The following ANK1 variants were observed in gnomAD, a reference collection of about 807,000 sequenced individuals.
The protein encoded by ANK1 is ankyrin-1.
ANK1 carries 51 observed loss-of-function variants against 210.4 expected under a neutral mutation model. The observed-to-expected ratio is 0.24, with a 90% CI of 0.19 to 0.31. ANK1 has a LOEUF of 0.31. ANK1 is among the 10% of genes least tolerant of loss of function. The pLI, the probability that ANK1 is intolerant of heterozygous loss-of-function variation, is 1.00. For synonymous variants in ANK1, 967 were observed against 1,025.9 expected (o/e 0.94, Z 1.10); for missense variants, 2,051 against 2,504.4 (o/e 0.82, Z 3.86).
chr8:41,677,252 T>C (rs1814456522), intron 37 of ANK1, among the ~76,000 whole-genome samples: 1 of 152,186 alleles, frequency 6.6e-6, no homozygotes, highest in African/African-American at 2.4e-5. Flanking sequence ...TCATAATCAG[T>C]CTGGCTAGAG....
At chr8:41,745,434 C>T (rs1379275211) in intron 2 of ANK1, among the ~76,000 whole-genome samples, 4 of 152,204 alleles carry the variant, frequency 2.6e-5, no homozygotes, top group South Asian at 2.1e-4. Context: ...TGTAGAAGAA[C>T]GGGCGTAGAT....
chr8:41,672,546 A>G lies in ANK1; in HGVS notation c.4904T>C (p.Ile1635Thr), dbSNP rs1021085353. Residue 1635 changes from isoleucine to threonine, a missense_variant, in exon 38 of 43, where the codon ATC becomes ACC. Coordinates refer to ENST00000289734, the MANE Select transcript of ANK1 (RefSeq NM_000037.4). ...ACCTTCCTCCTGTTCAAGCAAATCG[A>G]TAAGGCCATTTGTGGCATCTGAATC... Reference protein sequence around the residue: ...TVDSDATNGLIDLLEQEEGQR... With the variant: ...TVDSDATNGLTDLLEQEEGQR... 5 of 1,614,060 alleles carry G rather than the reference A, an allele frequency of 3.1e-6. No homozygotes were observed. In the African/African-American group the frequency reaches 5.3e-5, roughly 17 times the overall value.
At chr8:41,684,465 T>A (rs770618612) in intron 37 of ANK1, 79 bp downstream of exon 37, 25 of 1,586,718 alleles carry the variant, frequency 1.6e-5, no homozygotes, top group Non-Finnish European at 2.1e-5. Context: ...GATGACGTAT[T>A]GTGGGAAGGG....
intron 20 of ANK1, among the ~76,000 whole-genome samples, chr8:41,703,442 A>ATTTTTTTT (rs1823510434): frequency 1.5e-5 from 1 of 66,614 alleles, no homozygotes; most frequent in African/African-American, 6.4e-5. Flanking sequence ...ATATATATAT[A>ATTTTTTTT]TATATATATT....
At chr8:41,750,972 C>A (rs1837566898) in intron 2 of ANK1, among the ~76,000 whole-genome samples, 1 of 152,144 alleles carries the variant, frequency 6.6e-6, no homozygotes, top group Non-Finnish European at 1.5e-5. Flanking sequence ...AAGAGTGAGG[C>A]TTTTTGCCCC....
chr8:41,770,045 G>T (rs971080084), intron 1 of ANK1, among the ~76,000 whole-genome samples: 2 of 121,356 alleles, frequency 1.6e-5, no homozygotes, highest in African/African-American at 3.2e-5. Flanking sequence ...GCAATGGCAT[G>T]ATCTTGGCTC....
chr8:41,859,557 G>A (rs957941947), intron 1 of ANK1, among the ~76,000 whole-genome samples: 3 of 152,200 alleles, frequency 2.0e-5, no homozygotes, highest in Non-Finnish European at 2.9e-5. Flanking sequence ...ATGTTGGCCA[G>A]GCTGGTCTCG....
intron 1 of ANK1, among the ~76,000 whole-genome samples, chr8:41,771,356 A>G (rs1359247225): frequency 6.6e-6 from 1 of 152,072 alleles, no homozygotes; most frequent in Non-Finnish European, 1.5e-5. Flanking sequence ...AAGCTAAACT[A>G]TTGTTCTTTT....
intron 1 of ANK1, chr8:41,829,958 A>AAAAAAAC (rs1563862696): frequency 1.3e-5 from 2 of 149,284 alleles, no homozygotes; most frequent in African/African-American, 5.0e-5. Context: ...AAAAAAAAAA[A>AAAAAAAC]TCTGACGTGA....
At chr8:41,763,889 CTTTT>C (rs869100297) in intron 1 of ANK1, among the ~76,000 whole-genome samples, 58 of 57,820 alleles carry the variant, frequency 1.0e-3, no homozygotes, top group Admixed American at 1.4e-3. Context: ...TTCTTTTTTT[CTTTT>C]TTTTTTTTTT....
chr8:41,893,434 C>T (rs1037823437), intron 1 of ANK1, among the ~76,000 whole-genome samples: 1 of 152,152 alleles, frequency 6.6e-6, no homozygotes, highest in South Asian at 2.1e-4. Flanking sequence ...TTCCCTGCGT[C>T]GAGGTGGCTT....
intron 1 of ANK1, among the ~76,000 whole-genome samples, chr8:41,822,047 C>A: frequency 7.2e-6 from 1 of 139,294 alleles, no homozygotes; most frequent in Non-Finnish European, 1.5e-5. Context: ...GAGACTCCAT[C>A]TCAAAAGAAA....
chr8:41,887,042 C>G (rs924197095), intron 1 of ANK1, among the ~76,000 whole-genome samples: 1 of 152,054 alleles, frequency 6.6e-6, no homozygotes, highest in Non-Finnish European at 1.5e-5. Flanking sequence ...CTACTTGGCT[C>G]TAGTCCACAG....
chr8:41,792,673 TGAG>T (rs1206141851), intron 1 of ANK1, among the ~76,000 whole-genome samples: 1 of 151,762 alleles, frequency 6.6e-6, no homozygotes, highest in Non-Finnish European at 1.5e-5. Flanking sequence ...GTGTGGAAAA[TGAG>T]GAGGGCCCTG....
intron 23 of ANK1, 113 bp from the exon 24 acceptor site, chr8:41,698,234 C>G: frequency 9.6e-7 from 1 of 1,043,816 alleles, no homozygotes; most frequent in Non-Finnish European, 1.5e-6. Context: ...AGCCTGACTG[C>G]GCTTCACAAC....
In ANK1 at chr8:41,717,682, G is replaced by A. The variant is rs572292527; in HGVS notation, c.1227C>T (p.His409=). 28 of 1,551,690 alleles carry A rather than the reference G, an allele frequency of 1.8e-5. No homozygotes were observed. The African/African-American group carries it at 1.9e-4, about 11-fold the overall frequency. The change falls in exon 12 of 43, where the codon CAC becomes CAT. Residue 409 remains histidine, a synonymous_variant. Transcript: ENST00000289734. ...GAAGGTGCCCCATGAAGGAGGCCAC[G>A]TGGAGAGGTGTCAGGCCAGACTGAA... is the stretch of plus-strand genomic sequence containing the variant. ...AVTESGLTPL[H]VASFMGHLPI...
At position 41,711,668 on chromosome 8, in the gene ANK1, C is replaced by T. The variant is rs183084326; in HGVS notation, c.1800+2488G>A. On this transcript the variant is annotated intron_variant, in intron 16 of 42. Coordinates refer to ENST00000289734, the MANE Select transcript of ANK1 (RefSeq NM_000037.4). ...GCAAATTAAAGAATCTCGGAATCTG[C>T]CTATAACCTCTGGGACTTTCTAGGT... Among the ~76,000 whole-genome samples the T allele has an allele frequency of 1.4e-4, 22 of 152,320 alleles. No individual in the cohort carries two copies. The South Asian group carries it at 3.9e-3, about 27-fold the overall frequency.
At chr8:41,692,903 C>A in intron 30 of ANK1, 27 bp from the exon 31 acceptor site, 2 of 1,602,424 alleles carry the variant, frequency 1.2e-6, no homozygotes, top group South Asian at 1.1e-5. Flanking sequence ...GTTATGTGTT[C>A]CCAAGTGCCC....
At chr8:41,800,716 G>T (rs1307481188), upstream of ANK1, among the ~76,000 whole-genome samples, 1 of 151,962 alleles carries the variant, frequency 6.6e-6, no homozygotes, top group Non-Finnish European at 1.5e-5. Flanking sequence ...TCCACTTATG[G>T]TTGTATGATT....
Sources: allele counts gnomAD v4.1 joint callset (sites outside exome capture counted in the v4.1 genomes callset), GRCh38; gene constraint gnomAD v4.1.1; transcripts MANE v1.5; gene names NCBI Gene and HGNC (gene_info 2026-07-23, HGNC 2026-07-21).